Variants in ARMC8 observed in about 807,000 individuals in gnomAD.
The protein encoded by ARMC8 is armadillo repeat-containing protein 8.
Under a neutral mutation model 99.3 loss-of-function variants are expected in ARMC8, and 20 were observed. The ratio of observed to expected loss-of-function variants is 0.20; its 90% CI spans 0.14 to 0.29. The LOEUF is 0.29. Among genes scored for constraint, ARMC8 ranks in the 10% least tolerant of loss-of-function variants. The pLI is 1.00. For missense variants in ARMC8, 569 were observed against 809.5 expected, an observed-to-expected ratio of 0.70 and a Z score of 3.60; for synonymous variants, 263 against 278.3, an observed-to-expected ratio of 0.95 and a Z score of 0.55.
chr3:138,213,125 A>G (rs1041308287), intron 2 of ARMC8, among the ~76,000 whole-genome samples: 3 of 152,242 alleles, frequency 2.0e-5, no homozygotes, highest in African/African-American at 7.2e-5. Flanking sequence ...GATTGTGAAC[A>G]TGTGTAGCAT....
At chr3:138,244,682 T>G (rs1374774619) in intron 11 of ARMC8, among the ~76,000 whole-genome samples, 1 of 152,252 alleles carries the variant, frequency 6.6e-6, no homozygotes, top group African/African-American at 2.4e-5. Context: ...ATTCAGGTTA[T>G]CAGCTGTAGT....
chr3:138,294,938 G>T (rs563260707), intron 21 of ARMC8, among the ~76,000 whole-genome samples: 1 of 147,604 alleles, frequency 6.8e-6, no homozygotes, highest in Non-Finnish European at 1.5e-5. Flanking sequence ...CACTCTTGTC[G>T]CACAGGCTGG....
intron 12 of ARMC8, among the ~76,000 whole-genome samples, chr3:138,250,126 T>C (rs1232830344): frequency 6.6e-6 from 1 of 152,040 alleles, no homozygotes; most frequent in South Asian, 2.1e-4. Context: ...TTTTGAGAAG[T>C]GTAGACAGAA....
At chr3:138,271,281 C>T (rs961534878) in intron 16 of ARMC8, among the ~76,000 whole-genome samples, 4 of 152,206 alleles carry the variant, frequency 2.6e-5, no homozygotes, top group African/African-American at 9.6e-5. Context: ...TTCTACCTAG[C>T]TTCCTTTTCA....
At chr3:138,219,001 A>G (rs551930200) in intron 2 of ARMC8, among the ~76,000 whole-genome samples, 1 of 152,152 alleles carries the variant, frequency 6.6e-6, no homozygotes, top group Non-Finnish European at 1.5e-5. Flanking sequence ...TTCGTTGTCA[A>G]TGTCTGATGT....
At position 138,266,472 on chromosome 3, in the gene ARMC8, G is replaced by A. The variant is rs926076644; in HGVS notation, c.1300-683G>A. ...ATTCATGTACCTATTTAGTTGTTGA[G>A]CCCAAATTTGTATCCAAGTAGTCTT... is the stretch of plus-strand genomic sequence containing the variant. On this transcript the variant is annotated intron_variant, in intron 14 of 21. Coordinates refer to ENST00000469044, the MANE Select transcript of ARMC8 (RefSeq NM_001363941.2). Among the ~76,000 whole-genome samples, 12 of 152,098 alleles carry A rather than the reference G, an allele frequency of 7.9e-5. No homozygotes were observed. In the South Asian group the frequency reaches 8.3e-4, roughly 11 times the overall value.
intron 17 of ARMC8, 79 bp downstream of exon 17, chr3:138,273,195 C>T (rs1369914728): frequency 7.2e-7 from 1 of 1,382,970 alleles, no homozygotes; most frequent in Non-Finnish European, 9.9e-7. Flanking sequence ...TCTGTGCTCT[C>T]ATTAACATCT....
chr3:138,295,077 T>C (rs1446434379), intron 21 of ARMC8, among the ~76,000 whole-genome samples: 1 of 152,118 alleles, frequency 6.6e-6, no homozygotes, highest in African/African-American at 2.4e-5. Context: ...TTTTGTATTT[T>C]TGGTAGAAAC....
chr3:138,212,314 T>TC (rs1028521446), intron 2 of ARMC8, among the ~76,000 whole-genome samples: 1 of 151,432 alleles, frequency 6.6e-6, no homozygotes, highest in Non-Finnish European at 1.5e-5. Context: ...TAATCTTTTT[T>TC]TTTTTTTTTT....
intron 12 of ARMC8, among the ~76,000 whole-genome samples, chr3:138,252,808 C>T (rs115679293): frequency 0.011 from 1,553 of 141,366 alleles, 34 homozygotes; most frequent in African/African-American, 0.038. Context: ...GGCGAAATAC[C>T]AAACTTCGCA....
intron 10 of ARMC8, 115 bp downstream of exon 10, chr3:138,239,643 G>C: frequency 3.5e-6 from 2 of 568,458 alleles, no homozygotes; most frequent in South Asian, 6.5e-5. Flanking sequence ...TGTGCATGGC[G>C]TAGAATAATA....
chr3:138,228,571 G>C (rs1360705795), intron 5 of ARMC8: 1 of 392,894 alleles, frequency 2.5e-6, no homozygotes, highest in Non-Finnish European at 4.9e-6. Flanking sequence ...CTATTTACTA[G>C]TGCATAACGT....
chr3:138,223,742 T>G lies in ARMC8; in HGVS notation c.435+9T>G. ...AGGAGCTACTGTATACAGTGAGTTT[T>G]AGATGTATTTGAGACATTAGTTACA... On this transcript the variant is annotated intron_variant, in intron 5 of 21. Transcript: ENST00000469044. The G allele has an allele frequency of 6.2e-7, 1 of 1,607,892 alleles. No homozygotes were observed. Among genetic ancestry groups the G allele is most frequent in the Non-Finnish European group, 8.5e-7 (1 of 1,174,490 alleles).
chr3:138,197,504 C>T (rs2107972711), intron 1 of ARMC8, among the ~76,000 whole-genome samples: 1 of 152,310 alleles, frequency 6.6e-6, no homozygotes, highest in Non-Finnish European at 1.5e-5. Flanking sequence ...GACAACACCT[C>T]ACCCATATCT....
chr3:138,287,544 A>G (rs1560053221), intron 19 of ARMC8: 5 of 427,000 alleles, frequency 1.2e-5, no homozygotes, highest in Admixed American at 7.6e-5. Context: ...CATATTTGTT[A>G]TAGTATATAC....
rs1230264835 is a variant in ARMC8 at position 138,212,403 on chromosome 3, G to A, written c.122+2510G>A. On this transcript the variant is annotated intron_variant, in intron 2 of 21. Coordinates refer to ENST00000469044, the MANE Select transcript of ARMC8 (RefSeq NM_001363941.2). ...CGGCTCACCGCAACCTCCACCTCCCGGGTTCAAATAATTCTCCTGCCTCAG... is the reference window on the plus strand; with the variant it reads ...CGGCTCACCGCAACCTCCACCTCCCAGGTTCAAATAATTCTCCTGCCTCAG... 1.9e-4 allele frequency among the ~76,000 whole-genome samples: 28 copies of A among 148,638 alleles called. No individual in the cohort carries two copies. The Admixed American group carries it at 1.9e-3, about 10-fold the overall frequency.
At chr3:138,210,936 C>G (rs760706405) in intron 2 of ARMC8, among the ~76,000 whole-genome samples, 1 of 152,056 alleles carries the variant, frequency 6.6e-6, no homozygotes, top group Non-Finnish European at 1.5e-5. Context: ...TTAGGATCCA[C>G]CGAGATACTT....
At chr3:138,247,510 G>T (rs1301977228) in intron 12 of ARMC8, among the ~76,000 whole-genome samples, 1 of 152,114 alleles carries the variant, frequency 6.6e-6, no homozygotes, top group Non-Finnish European at 1.5e-5. Context: ...TGTTCAGTTG[G>T]TCTGCCATTT....
chr3:138,259,909 C>T (rs563214309), intron 12 of ARMC8, among the ~76,000 whole-genome samples: 62 of 152,262 alleles, frequency 4.1e-4, no homozygotes, highest in African/African-American at 1.4e-3. Context: ...TCCTACCTTC[C>T]CTTTGTAGAT....
Sources: gnomAD v4.1 joint callset for allele counts (sites outside exome capture counted in the v4.1 genomes callset) on GRCh38, gnomAD v4.1.1 for gene constraint, MANE v1.5 for transcripts, NCBI Gene and HGNC (gene_info 2026-07-23, HGNC 2026-07-21) for gene names.